The following NFILZ variants were observed in gnomAD, a reference collection of about 807,000 sequenced individuals.
NFILZ encodes NFIL3 like basic leucine zipper, also known as NFIL3 like protein.
chr19:8,669,872 A>G (rs939818007), intron 3 of NFILZ, among the ~76,000 whole-genome samples: 1 of 152,210 alleles, frequency 6.6e-6, no homozygotes, highest in East Asian at 1.9e-4. Context: ...TAGGTGCTCA[A>G]TACACAAGAA....
At chr19:8,667,977 G>C (rs2043070153) in intron 3 of NFILZ, among the ~76,000 whole-genome samples, 1 of 151,820 alleles carries the variant, frequency 6.6e-6, no homozygotes, top group African/African-American at 2.4e-5. Flanking sequence ...TTTTGAGACA[G>C]AGTCTTGCTC....
At chr19:8,671,613 TG>T (rs34466896) in intron 3 of NFILZ, among the ~76,000 whole-genome samples, 2 of 152,110 alleles carry the variant, frequency 1.3e-5, no homozygotes, top group Non-Finnish European at 2.9e-5. Context: ...TGGGGACCCC[TG>T]GGCTGTGTTC....
intron 3 of NFILZ, among the ~76,000 whole-genome samples, chr19:8,653,078 C>G (rs907655163): frequency 7.8e-6 from 1 of 128,454 alleles, no homozygotes; most frequent in Admixed American, 8.4e-5. Flanking sequence ...CTCTCTCTCT[C>G]TCTCTTTCTT....
At chr19:8,670,609 G>A (rs1310867886) in intron 3 of NFILZ, among the ~76,000 whole-genome samples, 4 of 152,182 alleles carry the variant, frequency 2.6e-5, no homozygotes, top group African/African-American at 4.8e-5. Flanking sequence ...GGTGGATGCC[G>A]GAGACCTTCC....
chr19:8,680,100 G>A lies in NFILZ; in HGVS notation c.*2465G>A, dbSNP rs540048588. Among the ~76,000 whole-genome samples, 49 of 151,270 alleles carry A rather than the reference G, an allele frequency of 3.2e-4. 1 individual carries two copies. Among genetic ancestry groups the A allele is most frequent in the African/African-American group, 1.1e-3 (47 of 41,154 alleles). ...AATCTCAGCTACTTGGGAGGCTGAG[G>A]CATGAAAATCACTTGAACCCAGGAG... On this transcript the variant is annotated 3_prime_UTR_variant, in exon 6 of 6. Transcript: ENST00000691075.
At chr19:8,669,923 G>A (rs556075554) in intron 3 of NFILZ, among the ~76,000 whole-genome samples, 1 of 152,164 alleles carries the variant, frequency 6.6e-6, no homozygotes, top group Non-Finnish European at 1.5e-5. Context: ...TGGGAATAGG[G>A]AAATGTCAGT....
chr19:8,673,010 T>G (rs1296450327), intron 3 of NFILZ, among the ~76,000 whole-genome samples: 2 of 152,022 alleles, frequency 1.3e-5, no homozygotes, highest in Non-Finnish European at 2.9e-5. Context: ...TAGAAAATGC[T>G]TGGGCGGGGA....
At chr19:8,637,991 G>C (rs1555746273) in intron 3 of NFILZ, among the ~76,000 whole-genome samples, 1 of 146,734 alleles carries the variant, frequency 6.8e-6, no homozygotes, top group Non-Finnish European at 1.5e-5. Flanking sequence ...TGCTCTTGTA[G>C]AACAGAGAAG....
At chr19:8,649,682 G>A (rs556599907) in intron 3 of NFILZ, among the ~76,000 whole-genome samples, 9 of 152,324 alleles carry the variant, frequency 5.9e-5, no homozygotes, top group African/African-American at 1.9e-4. Context: ...TCCCTGGGCA[G>A]GGTGGGGAAA....
rs528521442 is a variant in NFILZ at position 8,649,676 on chromosome 19, T to TG, written c.-164+13933dup. On this transcript the variant is annotated intron_variant, in intron 3 of 5. Transcript: ENST00000691075. ...GGTTTTCTTGGTCCAGCCCAGTCCC[T>TG]GGGCAGGGTGGGGAAAGCAGTTTGC... Among the ~76,000 whole-genome samples the TG allele has an allele frequency of 6.4e-4, 98 of 152,302 alleles. 2 individuals carry two copies. In the South Asian group the frequency reaches 0.02, roughly 31 times the overall value.
At position 8,656,443 on chromosome 19, in the gene NFILZ, C is replaced by CCTGAAGCCCACCT. The variant is rs2043000792; in HGVS notation, c.-163-18108_-163-18107insCTGAAGCCCACCT. Among the ~76,000 whole-genome samples, 2 of 93,670 alleles carry CCTGAAGCCCACCT rather than the reference C, an allele frequency of 2.1e-5. 1 individual carries two copies. 61.5% of individuals were successfully genotyped at this position (93,670 alleles called of 152,430 possible). On this transcript the variant is annotated intron_variant, in intron 3 of 5. Coordinates refer to ENST00000691075, the MANE Select transcript of NFILZ (RefSeq NM_001378600.1). ...ACCTCTTTCCGCAGCCCACCTTCTCCTCGAAGCCCACCTTCTCTCTGAAGC... is the reference window on the plus strand; with the variant it reads ...ACCTCTTTCCGCAGCCCACCTTCTCCCTGAAGCCCACCTTCGAAGCCCACCTTCTCTCTGAAGC...
At chr19:8,634,970 G>A (rs2146134347) in intron 2 of NFILZ, among the ~76,000 whole-genome samples, 1 of 152,160 alleles carries the variant, frequency 6.6e-6, no homozygotes, top group South Asian at 2.1e-4. Flanking sequence ...ACGATTCTGT[G>A]ATATTTGACA....
At chr19:8,637,150 A>G (rs2042898314) in intron 3 of NFILZ, among the ~76,000 whole-genome samples, 1 of 152,120 alleles carries the variant, frequency 6.6e-6, no homozygotes, top group Non-Finnish European at 1.5e-5. Flanking sequence ...CAGAAGGATC[A>G]CTTGAGCCCA....
chr19:8,668,580 GTGGGAATTTCTTGAA>G (rs1418829753), intron 3 of NFILZ, among the ~76,000 whole-genome samples: 1 of 152,136 alleles, frequency 6.6e-6, no homozygotes, highest in Non-Finnish European at 1.5e-5. Context: ...TGGGGAGTTT[GTGGGAATTTCTTGAA>G]GTGGCCACAG....
intron 1 of NFILZ, among the ~76,000 whole-genome samples, 195 bp downstream of exon 1, chr19:8,630,939 G>A (rs1245403009): frequency 5.9e-5 from 9 of 152,114 alleles, no homozygotes; most frequent in Admixed American, 5.9e-4. Context: ...CTTTAATTGG[G>A]GCCTTGGATG....
chr19:8,656,327 CCCCCTTCTTCCTGA>C (rs1555748385), intron 3 of NFILZ, among the ~76,000 whole-genome samples: 1 of 84,660 alleles, frequency 1.2e-5, no homozygotes, highest in African/African-American at 3.4e-5. Context: ...CTCCCTGAAG[CCCCCTTCTTCCTGA>C]AGCCCACCTC....
chr19:8,647,790 C>CGT (rs2042947122), intron 3 of NFILZ, among the ~76,000 whole-genome samples: 8 of 66,210 alleles, frequency 1.2e-4, no homozygotes, highest in Admixed American at 6.1e-4. Flanking sequence ...CGCGCGCGCG[C>CGT]GCGCGCACAC....
At chr19:8,663,748 G>GTATGTGTGTGTGTATGTGTGTA (rs1227521950) in intron 3 of NFILZ, among the ~76,000 whole-genome samples, 2 of 139,376 alleles carry the variant, frequency 1.4e-5, no homozygotes, top group Admixed American at 7.1e-5. Flanking sequence ...GTGTGTGTGT[G>GTATGTGTGTGTGTATGTGTGTA]TGTGTGTGTG....
chr19:8,657,415 T>C (rs1489426600), intron 3 of NFILZ, among the ~76,000 whole-genome samples: 1 of 152,240 alleles, frequency 6.6e-6, no homozygotes, highest in East Asian at 1.9e-4. Context: ...CGATTGCTTT[T>C]GTCTGCAGGG....
Sources: gnomAD v4.1 joint callset for allele counts (sites outside exome capture counted in the v4.1 genomes callset) on GRCh38, gnomAD v4.1.1 for gene constraint, MANE v1.5 for transcripts, NCBI Gene and HGNC (gene_info 2026-07-23, HGNC 2026-07-21) for gene names.